FHIT: variants seen among roughly 807,000 people sequenced by gnomAD.
The protein encoded by FHIT is fragile histidine triad diadenosine triphosphatase.
Under a neutral mutation model 17.9 loss-of-function variants are expected in FHIT, and 19 were observed. The ratio of observed to expected loss-of-function variants is 1.06; its 90% CI spans 0.74 to 1.56. The LOEUF is 1.56. FHIT is among the 40% of genes most tolerant of loss of function. The pLI, the probability that FHIT is intolerant of heterozygous loss-of-function variation, is 0.00. For missense variants in FHIT, 248 were observed against 189.2 expected, an observed-to-expected ratio of 1.31 and a Z score of -1.82; for synonymous variants, 81 against 69.7, an observed-to-expected ratio of 1.16 and a Z score of -0.81.
intron 5 of FHIT, among the ~76,000 whole-genome samples, chr3:60,362,623 T>G (rs1427583017): frequency 2.6e-5 from 4 of 152,226 alleles, no homozygotes; most frequent in African/African-American, 9.6e-5. Flanking sequence ...AGATACATTT[T>G]TATCATGTAC....
intron 5 of FHIT, among the ~76,000 whole-genome samples, chr3:60,260,214 A>C (rs985043515): frequency 2.6e-5 from 4 of 152,026 alleles, no homozygotes; most frequent in Admixed American, 2.6e-4. Context: ...TAGAGGGTGT[A>C]GGAGGTTGGT....
rs141776403 is a variant in FHIT at position 61,070,876 on chromosome 3, C to T, written c.-163-28777G>A. Among the ~76,000 whole-genome samples the T allele has an allele frequency of 3.3e-4, 51 of 152,252 alleles. No homozygotes were observed. The East Asian group carries it at 4.2e-3, about 13-fold the overall frequency. The stretch of plus-strand genomic sequence containing the variant: ...TGGCTGCAAGAGAGTGAATTATTGG[C>T]ATATTCAGACAGTCTCATACCACCT... On this transcript the variant is annotated intron_variant, in intron 2 of 9. Transcript: ENST00000492590.
chr3:60,692,912 T>G (rs2041026266), intron 4 of FHIT, among the ~76,000 whole-genome samples: 1 of 152,220 alleles, frequency 6.6e-6, no homozygotes, highest in South Asian at 2.1e-4. Context: ...CGTTTGCATG[T>G]TTCTGAAGCA....
chr3:61,018,661 G>C (rs754599175), intron 3 of FHIT, among the ~76,000 whole-genome samples: 14 of 152,172 alleles, frequency 9.2e-5, no homozygotes, highest in Non-Finnish European at 1.8e-4. Flanking sequence ...AAATGGAATA[G>C]AATCTTTCCA....
At position 61,212,750 on chromosome 3, in the gene FHIT, C is replaced by G. The variant is rs955329039; in HGVS notation, c.-212-12085G>C. Reference sequence around the variant, plus strand: ...GGAAAAAATGTTAAGGGCAGCCAGACAGAAAGGTCGGGTTACCCACAAAGG... The same window carrying G: ...GGAAAAAATGTTAAGGGCAGCCAGAGAGAAAGGTCGGGTTACCCACAAAGG... On this transcript the variant is annotated intron_variant, in intron 1 of 9. Coordinates refer to ENST00000492590, the MANE Select transcript of FHIT (RefSeq NM_002012.4). Among the ~76,000 whole-genome samples the G allele has an allele frequency of 9.3e-4, 141 of 152,216 alleles. 1 individual carries two copies. The highest frequency in any genetic ancestry group is 2.7e-3 in the African/African-American group (114 of 41,530).
At chr3:60,712,367 A>C (rs544275041) in intron 4 of FHIT, among the ~76,000 whole-genome samples, 86 of 152,310 alleles carry the variant, frequency 5.6e-4, no homozygotes, top group African/African-American at 2.0e-3. Flanking sequence ...AATTGCATCA[A>C]CTAACAAGCA....
chr3:61,013,028 C>T (rs1042803212), intron 3 of FHIT, among the ~76,000 whole-genome samples: 8 of 151,978 alleles, frequency 5.3e-5, no homozygotes, highest in African/African-American at 1.7e-4. Context: ...AGATTCCAAA[C>T]GGATATACTT....
chr3:60,700,130 C>A (rs79455925), intron 4 of FHIT, among the ~76,000 whole-genome samples: 296 of 134,358 alleles, frequency 2.2e-3, no homozygotes, highest in Admixed American at 2.6e-3. Flanking sequence ...GAGTCTGTCT[C>A]AAAAAAAAAA....
In FHIT at chr3:60,650,361, C is replaced by T. The variant is rs545011617; in HGVS notation, c.-17-113382G>A. 1.9e-3 allele frequency among the ~76,000 whole-genome samples: 296 copies of T among 152,202 alleles called. 2 individuals carry two copies. The highest frequency in any genetic ancestry group is 3.6e-3 in the Non-Finnish European group (244 of 68,030). On this transcript the variant is annotated intron_variant, in intron 4 of 9. Coordinates refer to ENST00000492590, the MANE Select transcript of FHIT (RefSeq NM_002012.4). ...GGACCTTAGAGATCACCCCATTCAG[C>T]ATCCTCATTTTTCACAAGAGAAAGC...
intron 5 of FHIT, among the ~76,000 whole-genome samples, chr3:60,253,801 C>T (rs1705845073): frequency 6.6e-6 from 1 of 152,216 alleles, no homozygotes; most frequent in African/African-American, 2.4e-5. Context: ...TGAAATAAAA[C>T]ACCAGGACAA....
intron 3 of FHIT, among the ~76,000 whole-genome samples, chr3:60,866,370 T>C (rs1704159313): frequency 6.6e-6 from 1 of 152,120 alleles, no homozygotes; most frequent in South Asian, 2.1e-4. Flanking sequence ...CTTTCCCCCT[T>C]TTCTCTCTCT....
At chr3:59,779,911 C>T (rs949993503) in intron 8 of FHIT, among the ~76,000 whole-genome samples, 15 of 152,180 alleles carry the variant, frequency 9.9e-5, no homozygotes, top group African/African-American at 3.1e-4. Flanking sequence ...CATGACCACA[C>T]GGACACACAG....
intron 5 of FHIT, among the ~76,000 whole-genome samples, chr3:60,102,574 C>A (rs1671183276): frequency 1.3e-5 from 2 of 151,814 alleles, no homozygotes; most frequent in African/African-American, 4.8e-5. Context: ...AAGTAAGCAT[C>A]TGTAAATCCA....
At chr3:60,159,319 C>T (rs1348792585) in intron 5 of FHIT, among the ~76,000 whole-genome samples, 2 of 152,068 alleles carry the variant, frequency 1.3e-5, no homozygotes, top group African/African-American at 4.8e-5. Context: ...CAGGGTTTTG[C>T]CATGTTACCC....
At chr3:60,185,254 GA>G (rs35292894) in intron 5 of FHIT, among the ~76,000 whole-genome samples, 2,457 of 147,712 alleles carry the variant, frequency 0.017, 29 homozygotes, top group Non-Finnish European at 0.024. Flanking sequence ...ATGGTGTGGG[GA>G]AAAAAAAAAA....
At chr3:60,003,169 C>A (rs529434853) in intron 7 of FHIT, among the ~76,000 whole-genome samples, 3 of 152,036 alleles carry the variant, frequency 2.0e-5, no homozygotes, top group Non-Finnish European at 4.4e-5. Context: ...ACTGTAAAGC[C>A]GAAACCCTCA....
chr3:60,232,707 T>C (rs1471665080), intron 5 of FHIT, among the ~76,000 whole-genome samples: 1 of 152,154 alleles, frequency 6.6e-6, no homozygotes, highest in Non-Finnish European at 1.5e-5. Context: ...CCATCTCCAG[T>C]ATAAGCACCC....
intron 1 of FHIT, among the ~76,000 whole-genome samples, chr3:61,249,986 AC>A (rs2040577767): frequency 1.6e-5 from 2 of 124,050 alleles, no homozygotes; most frequent in Admixed American, 1.6e-4. Flanking sequence ...ACACACACAC[AC>A]ACAAACCCTA....
intron 2 of FHIT, among the ~76,000 whole-genome samples, chr3:61,048,964 AG>A (rs1440717278): frequency 1.3e-5 from 2 of 151,770 alleles, no homozygotes; most frequent in African/African-American, 4.8e-5. Flanking sequence ...ATCACACACC[AG>A]GGCCTGTTGT....
Sources: gnomAD v4.1 joint callset for allele counts (sites outside exome capture counted in the v4.1 genomes callset) on GRCh38, gnomAD v4.1.1 for gene constraint, MANE v1.5 for transcripts, NCBI Gene and HGNC (gene_info 2026-07-23, HGNC 2026-07-21) for gene names.